BAIAP2L1: variants seen among roughly 807,000 people sequenced by gnomAD.
BAIAP2L1 encodes BAR/IMD domain containing adaptor protein 2 like 1, also known as BAR/IMD domain-containing adapter protein 2-like 1.
Under a neutral mutation model 66.3 loss-of-function variants are expected in BAIAP2L1, and 35 were observed. That is an observed-to-expected ratio of 0.53 (90% confidence interval 0.40 to 0.70). The LOEUF (loss-of-function observed/expected upper bound fraction) is 0.70, where lower values mean the gene tolerates loss of function less well. Ranked by LOEUF, BAIAP2L1 falls within the 30% of genes least tolerant of loss-of-function variation. The pLI, the probability that BAIAP2L1 is intolerant of heterozygous loss-of-function variation, is 0.00. For synonymous variants in BAIAP2L1, 269 were observed against 248.7 expected (o/e 1.08, Z -0.77); for missense variants, 622 against 656.9 (o/e 0.95, Z 0.58).
intron 12 of BAIAP2L1, among the ~76,000 whole-genome samples, chr7:98,302,030 C>T (rs1479214503): frequency 4.6e-5 from 7 of 152,096 alleles, no homozygotes; most frequent in African/African-American, 7.2e-5. Context: ...AGGCGTGCAC[C>T]GTGCGCTGGC....
chr7:98,333,520 A>G (rs957559505), intron 3 of BAIAP2L1, among the ~76,000 whole-genome samples: 1 of 152,044 alleles, frequency 6.6e-6, no homozygotes, highest in Non-Finnish European at 1.5e-5. Context: ...AATCACTTCA[A>G]CCTGGGAGGT....
intron 1 of BAIAP2L1, among the ~76,000 whole-genome samples, chr7:98,398,427 T>C (rs1480801863): frequency 6.6e-6 from 1 of 151,928 alleles, no homozygotes; most frequent in East Asian, 1.9e-4. Context: ...TTTCATAGAT[T>C]ACATAAACTT....
intron 1 of BAIAP2L1, among the ~76,000 whole-genome samples, chr7:98,394,188 A>G (rs988302127): frequency 6.6e-6 from 1 of 152,144 alleles, no homozygotes; most frequent in Non-Finnish European, 1.5e-5. Flanking sequence ...GCTTGCAGTG[A>G]GCAGAGATCT....
rs539768694 is a variant in BAIAP2L1 at position 98,333,471 on chromosome 7, C to T, written c.215-13173G>A. On this transcript the variant is annotated intron_variant, in intron 3 of 13. Transcript: ENST00000005260. Reference sequence around the variant, plus strand: ...AAAATTAGCTGGGCGTGGTGGTGGGCGCCTGTAATCCCAGTTACTCAGGAT... The same window carrying T: ...AAAATTAGCTGGGCGTGGTGGTGGGTGCCTGTAATCCCAGTTACTCAGGAT... Among the ~76,000 whole-genome samples, 16 of 151,996 alleles carry T rather than the reference C, an allele frequency of 1.1e-4. No homozygotes were observed. In the East Asian group the frequency reaches 3.1e-3, roughly 29 times the overall value.
Position 98,312,089 on chromosome 7 carries a change from G to C in BAIAP2L1, c.807+8C>G. On this transcript the variant is annotated splice_region_variant and intron_variant, in intron 8 of 13. Coordinates refer to ENST00000005260, the MANE Select transcript of BAIAP2L1 (RefSeq NM_018842.5). ...GATTGAAATCTGGAAGAGAAAACTG[G>C]CTCCTACCACATTGCTTCTCTCGAT... is the stretch of plus-strand genomic sequence containing the variant. 1 of 1,586,054 alleles carries C rather than the reference G, an allele frequency of 6.3e-7. No homozygotes were observed. Among genetic ancestry groups the C allele is most frequent in the Non-Finnish European group, 8.6e-7 (1 of 1,168,358 alleles).
Position 98,400,866 on chromosome 7 carries a change from G to T in BAIAP2L1, c.-14C>A, listed in dbSNP as rs756844141. On this transcript the variant is annotated 5_prime_UTR_variant, in exon 1 of 14. Coordinates refer to ENST00000005260, the MANE Select transcript of BAIAP2L1 (RefSeq NM_018842.5). The stretch of plus-strand genomic sequence containing the variant: ...CCCCCGGGACATGGCTGCGGCCGCC[G>T]GGCGAGCAAGCGCGGGAGGACGCGG... The T allele has an allele frequency of 9.1e-6, 14 of 1,537,304 alleles. No individual in the cohort carries two copies. Among genetic ancestry groups the T allele is most frequent in the Non-Finnish European group, 1.2e-5 (14 of 1,141,050 alleles).
At chr7:98,362,271 T>C (rs1363541128) in intron 2 of BAIAP2L1, 86 bp downstream of exon 2, 2 of 1,080,484 alleles carry the variant, frequency 1.9e-6, no homozygotes, top group Non-Finnish European at 2.7e-6. Context: ...TTAAAGGTAT[T>C]TAAAAATTCA....
In BAIAP2L1 at chr7:98,292,392, A is replaced by G; in HGVS notation, c.*1129T>C. The G allele has an allele frequency of 2.0e-6, 1 of 488,100 alleles. No homozygotes were observed. The highest frequency in any genetic ancestry group is 3.7e-6 in the Non-Finnish European group (1 of 272,148). The allele number at this position is 488,100 out of a possible 1,614,324, so 30.2% of individuals were successfully genotyped here. ...CCTGTCTAATTTTTGTATTTTTAGT[A>G]GAGACTCCTGACCTCAGGTGATCCC... On this transcript the variant is annotated 3_prime_UTR_variant, in exon 14 of 14. Transcript: ENST00000005260.
chr7:98,315,209 C>T (rs551972917), intron 7 of BAIAP2L1, among the ~76,000 whole-genome samples: 1 of 152,298 alleles, frequency 6.6e-6, no homozygotes, highest in East Asian at 1.9e-4. Context: ...GCAGCCTCAA[C>T]TTCCCAGGCT....
rs1168569663 is a variant in BAIAP2L1 at position 98,335,175 on chromosome 7, AAAAAT to A, written c.215-14882_215-14878del. ...CTCAAAAAAAAAAAAAAAAAAAAAA[AAAAAT>A]TTATCTCCCATGATCCTCTCCATGA... On this transcript the variant is annotated intron_variant, in intron 3 of 13. Coordinates refer to ENST00000005260, the MANE Select transcript of BAIAP2L1 (RefSeq NM_018842.5). Among the ~76,000 whole-genome samples the A allele has an allele frequency of 6.3e-3, 874 of 139,560 alleles. 30 individuals carry two copies. Among genetic ancestry groups the A allele is most frequent in the African/African-American group, 0.019 (683 of 36,186 alleles). 91.6% of individuals were successfully genotyped at this position (139,560 alleles called of 152,430 possible).
chr7:98,336,748 A>G (rs972610292), intron 3 of BAIAP2L1, among the ~76,000 whole-genome samples: 1 of 152,254 alleles, frequency 6.6e-6, no homozygotes, highest in Admixed American at 6.5e-5. Context: ...CTTAAGAAAG[A>G]GAATACAAAA....
At chr7:98,355,612 C>T (rs1802102278) in intron 2 of BAIAP2L1, among the ~76,000 whole-genome samples, 1 of 151,400 alleles carries the variant, frequency 6.6e-6, no homozygotes, top group Non-Finnish European at 1.5e-5. Context: ...GCCTGCAGTC[C>T]CAGCTACTTG....
intron 12 of BAIAP2L1, among the ~76,000 whole-genome samples, chr7:98,297,882 G>A (rs1298432576): frequency 1.3e-5 from 2 of 152,196 alleles, no homozygotes; most frequent in African/African-American, 2.4e-5. Flanking sequence ...TATTTAAAAT[G>A]TTGGGAGGGA....
intron 1 of BAIAP2L1, among the ~76,000 whole-genome samples, chr7:98,395,707 G>C (rs1057392073): frequency 1.3e-5 from 2 of 152,114 alleles, no homozygotes; most frequent in Non-Finnish European, 2.9e-5. Context: ...ATTTTATGCA[G>C]CTTTTATAAC....
At chr7:98,342,047 T>A (rs909023087) in intron 3 of BAIAP2L1, among the ~76,000 whole-genome samples, 22 of 141,930 alleles carry the variant, frequency 1.6e-4, no homozygotes, top group Non-Finnish European at 2.6e-4. Flanking sequence ...TCTGATTTTT[T>A]TTTTTTTTTT....
intron 3 of BAIAP2L1, among the ~76,000 whole-genome samples, chr7:98,331,741 T>G (rs1801500075): frequency 6.6e-6 from 1 of 152,106 alleles, no homozygotes; most frequent in African/African-American, 2.4e-5. Context: ...AGTGCTGGGA[T>G]TACAGGTGTG....
chr7:98,334,674 T>C (rs1322549489), intron 3 of BAIAP2L1, among the ~76,000 whole-genome samples: 1 of 151,844 alleles, frequency 6.6e-6, no homozygotes, highest in East Asian at 2.0e-4. Context: ...TCCGAGTAGC[T>C]GGGACTGACT....
At chr7:98,319,947 C>G (rs1010050574) in intron 5 of BAIAP2L1, 111 bp downstream of exon 5, 3 of 865,790 alleles carry the variant, frequency 3.5e-6, no homozygotes, top group South Asian at 1.6e-5. Context: ...ATCATCAACA[C>G]GGAGCTTCTC....
chr7:98,386,015 T>C, intron 1 of BAIAP2L1: 3 of 1,382,334 alleles, frequency 2.2e-6, no homozygotes, highest in South Asian at 1.2e-5. Context: ...TTTCCAATGC[T>C]GTCTGGAATC....
Sources: allele counts gnomAD v4.1 joint callset (sites outside exome capture counted in the v4.1 genomes callset), GRCh38; gene constraint gnomAD v4.1.1; transcripts MANE v1.5; gene names NCBI Gene and HGNC (gene_info 2026-07-23, HGNC 2026-07-21).